The following GAREM2 variants were observed in gnomAD, a reference collection of about 807,000 sequenced individuals.
GAREM2 encodes GRB2-associated and regulator of MAPK protein 2.
In GAREM2, 30 loss-of-function variants were observed where a neutral mutation model predicts 55.6. That is an observed-to-expected ratio of 0.54 (90% CI 0.40 to 0.73). The LOEUF is 0.73. Among genes scored for constraint, GAREM2 ranks in the 30% least tolerant of loss-of-function variants. The pLI is 0.00. For synonymous variants in GAREM2, 550 were observed against 569.1 expected (o/e 0.97, Z 0.48); for missense variants, 1,075 against 1,257.7 (o/e 0.85, Z 2.20).
At chr2:26,195,292 T>C in the GAREM2 span, 8 of 1,388,918 alleles carry the variant, frequency 5.8e-6, no homozygotes, top group Non-Finnish European at 6.2e-6. Flanking sequence ...CCTGAGAGCA[T>C]TCCTTCTCTG....
At chr2:26,182,382 G>A in intron 2 of GAREM2, 1 of 1,545,272 alleles carries the variant, frequency 6.5e-7, no homozygotes, top group Non-Finnish European at 8.7e-7. Flanking sequence ...ACAGAGCTGG[G>A]GTCAGAGTGG....
chr2:26,181,103 TC>T, intron 2 of GAREM2: 1 of 985,508 alleles, frequency 1.0e-6, no homozygotes, highest in Non-Finnish European at 1.2e-6. Context: ...CTGACTGGTC[TC>T]CCGGTTATTT....
intron 2 of GAREM2, among the ~76,000 whole-genome samples, 185 bp downstream of exon 2, chr2:26,176,669 G>T (rs893213208): frequency 1.3e-5 from 2 of 152,132 alleles, no homozygotes; most frequent in East Asian, 3.8e-4. Flanking sequence ...TGGCTCACAG[G>T]TTTTTTGATT....
At chr2:26,191,245 C>A, downstream of GAREM2, 3 of 1,612,222 alleles carry the variant, frequency 1.9e-6, no homozygotes, top group Non-Finnish European at 2.5e-6. Context: ...AGGCATGAGG[C>A]CTGCTCACTG....
At chr2:26,191,386 C>T (rs751955844), downstream of GAREM2, 30 of 1,614,024 alleles carry the variant, frequency 1.9e-5, no homozygotes, top group Admixed American at 3.8e-4. Flanking sequence ...ATCCACAAAG[C>T]GGAAAGGCCC....
At chr2:26,190,600 A>C (rs1261857782), downstream of GAREM2, 1 of 156,014 alleles carries the variant, frequency 6.4e-6, no homozygotes, top group Non-Finnish European at 1.4e-5. Context: ...AGGCACACCC[A>C]GAAAAGAAAT....
chr2:26,200,104 T>G, the GAREM2 span, among the ~76,000 whole-genome samples: 1 of 152,234 alleles, frequency 6.6e-6, no homozygotes, highest in Admixed American at 6.5e-5. Context: ...GGAATGGGTT[T>G]TGTTAGCTCT....
chr2:26,187,748 C>T lies in GAREM2; in HGVS notation c.2116C>T (p.Leu706=). 4 of 1,455,456 alleles carry T rather than the reference C, an allele frequency of 2.7e-6. No individual in the cohort carries two copies. The highest frequency in any genetic ancestry group is 3.6e-6 in the Non-Finnish European group (4 of 1,098,796). 90.2% of individuals were successfully genotyped at this position (1,455,456 alleles called of 1,614,324 possible). Reference sequence around the variant, plus strand: ...CCTGGAGCCCTTCGATCCCTTTGAGCTGGGGCAGGGCAGTTCTCCAGAGCC... The same window carrying T: ...CCTGGAGCCCTTCGATCCCTTTGAGTTGGGGCAGGGCAGTTCTCCAGAGCC... ...PVLEPFDPFE[L]GQGSSPEPEL... is the part of the protein sequence containing the mutation. The change falls in exon 6 of 6, where the codon CTG becomes TTG. Residue 706 remains leucine, a synonymous_variant. Coordinates refer to ENST00000401533, the MANE Select transcript of GAREM2 (RefSeq NM_001168241.2).
chr2:26,200,579 C>T, the GAREM2 span, among the ~76,000 whole-genome samples: 1 of 152,208 alleles, frequency 6.6e-6, no homozygotes, highest in African/African-American at 2.4e-5. Flanking sequence ...TCTGGCTATA[C>T]TCTGTGAGGT....
rs997802293 is a variant in GAREM2, at chr2:26,182,470, C to T, written c.254-497C>T. 2.7e-5 allele frequency: 42 copies of T among 1,550,378 alleles called. No homozygotes were observed. In the African/African-American group the frequency reaches 4.1e-4, roughly 15 times the overall value. ...CTCCATGCGGATCAGCAGCCCAGGG[C>T]GATGCACAGGATGCCAGATCCAGGT... On this transcript the variant is annotated intron_variant, in intron 2 of 5. Transcript: ENST00000401533.
rs1388496650 is a variant in GAREM2, at chr2:26,185,171, C to T, written c.1323C>T (p.Leu441=). ...ELWAHQGPEG[L]VRPPPGLDLI... ...GGGCGCACCAGGGGCCCGAGGGCCT[C>T]GTCCGGCCGCCCCCAGGGCTCGATC... Residue 441 remains leucine, a synonymous_variant, in exon 4 of 6, where the codon CTC becomes CTT. Coordinates refer to ENST00000401533, the MANE Select transcript of GAREM2 (RefSeq NM_001168241.2). The T allele has an allele frequency of 2.7e-6, 4 of 1,507,902 alleles. No individual in the cohort carries two copies. The highest frequency in any genetic ancestry group is 3.5e-6 in the Non-Finnish European group (4 of 1,135,664). The allele number at this position is 1,507,902 out of a possible 1,614,324, so 93.4% of individuals were successfully genotyped here.
chr2:26,177,044 GT>G (rs1558304529), intron 2 of GAREM2, among the ~76,000 whole-genome samples: 1 of 152,142 alleles, frequency 6.6e-6, no homozygotes, highest in African/African-American at 2.4e-5. Context: ...ACCTTTATTA[GT>G]TTTATACGTG....
chr2:26,192,072 G>C (rs1221325162), downstream of GAREM2, among the ~76,000 whole-genome samples: 1 of 152,178 alleles, frequency 6.6e-6, no homozygotes, highest in Non-Finnish European at 1.5e-5. Context: ...GCACGTGCGA[G>C]GGCCTTCCAC....
the GAREM2 span, chr2:26,195,349 C>T: frequency 1.1e-6 from 1 of 885,060 alleles, no homozygotes; most frequent in Middle Eastern, 2.2e-4. Flanking sequence ...AGGAATACTG[C>T]TTGACATAGC....
chr2:26,186,525 T>C (rs1450934900), intron 5 of GAREM2, among the ~76,000 whole-genome samples, 167 bp downstream of exon 5: 1 of 151,542 alleles, frequency 6.6e-6, no homozygotes, highest in Non-Finnish European at 1.5e-5. Context: ...GCTGTCTGGG[T>C]GTCTTGGGGC....
At position 26,185,228 on chromosome 2, in the gene GAREM2, T is replaced by C. The variant is rs540985217; in HGVS notation, c.1380T>C (p.Arg460=). 2.0e-6 allele frequency: 3 copies of C among 1,521,322 alleles called. No individual in the cohort carries two copies. In the African/African-American group the frequency reaches 4.2e-5, roughly 21 times the overall value. 94.2% of individuals were successfully genotyped at this position (1,521,322 alleles called of 1,614,324 possible). Residue 460 remains arginine (R), a synonymous_variant, in exon 4 of 6, where the codon CGT becomes CGC. Coordinates refer to ENST00000401533, the MANE Select transcript of GAREM2 (RefSeq NM_001168241.2). ...CCTTCGGGGCCGCGGGACCGCCGCG[T>C]CGGGAGCCGGAAGCGCCGCCGCCTC... ...LISFGAAGPP[R]REPEAPPPPV...
downstream of GAREM2, chr2:26,192,223 A>C: frequency 1.3e-6 from 1 of 750,630 alleles, no homozygotes; most frequent in Admixed American, 2.0e-5. Flanking sequence ...AAGTATTAAA[A>C]AAAAAAAAAA....
the GAREM2 span, among the ~76,000 whole-genome samples, chr2:26,201,829 C>T: frequency 6.6e-6 from 1 of 151,410 alleles, no homozygotes; most frequent in South Asian, 2.1e-4. Context: ...GAGTCTCGCT[C>T]TGTTGCCCAG....
rs1407548392 is a variant in GAREM2 at position 26,189,449 on chromosome 2, C to G, written c.*1192C>G. The G allele has an allele frequency of 6.6e-6, 1 of 152,206 alleles. No homozygotes were observed. Among genetic ancestry groups the G allele is most frequent in the African/African-American group, 2.4e-5 (1 of 41,454 alleles). The allele number at this position is 152,206 out of a possible 1,614,324, so 9.4% of individuals were successfully genotyped here. A position where few individuals can be genotyped will look rare whatever the true frequency, so the allele number is the denominator to read the frequency against. ...AGCCTTCTCTTCTGCCTTACCTAGT[C>G]TACCTATTTATTTCCTCCACTTTTT... is the stretch of plus-strand genomic sequence containing the variant. On this transcript the variant is annotated 3_prime_UTR_variant, in exon 6 of 6. Coordinates refer to ENST00000401533, the MANE Select transcript of GAREM2 (RefSeq NM_001168241.2).
Sources: allele counts gnomAD v4.1 joint callset (sites outside exome capture counted in the v4.1 genomes callset), GRCh38; gene constraint gnomAD v4.1.1; transcripts MANE v1.5; gene names NCBI Gene and HGNC (gene_info 2026-07-23, HGNC 2026-07-21).